Variants in MACROD2 observed in about 807,000 individuals in gnomAD.
MACROD2 encodes ADP-ribose glycohydrolase MACROD2.
In MACROD2, 36 loss-of-function variants were observed where a neutral mutation model predicts 70.4. The observed-to-expected ratio is 0.51, with a 90% CI of 0.39 to 0.68. The LOEUF is 0.68. Among genes scored for constraint, MACROD2 ranks in the 30% least tolerant of loss-of-function variants. MACROD2 has a pLI of 0.00. For synonymous variants in MACROD2, 172 were observed against 178.8 expected (o/e 0.96, Z 0.30); for missense variants, 496 against 538.4 (o/e 0.92, Z 0.78).
At chr20:15,400,717 T>A (rs564342075) in intron 6 of MACROD2, among the ~76,000 whole-genome samples, 7 of 152,328 alleles carry the variant, frequency 4.6e-5, no homozygotes, top group Non-Finnish European at 8.8e-5. Flanking sequence ...CTACCTTTGG[T>A]TATTCATCCT....
chr20:14,407,633 A>G lies in MACROD2; in HGVS notation c.272-85846A>G, dbSNP rs1487439442. Among the ~76,000 whole-genome samples, 3 of 152,076 alleles carry G rather than the reference A, an allele frequency of 2.0e-5. No homozygotes were observed. The East Asian group carries it at 5.8e-4, about 29-fold the overall frequency. ...GCTCTCAAAATGAAGTAAATATGTA[A>G]TGCTTTAGAAATTTCACTGGAAAGG... On this transcript the variant is annotated intron_variant, in intron 3 of 17. Transcript: ENST00000684519.
intron 3 of MACROD2, among the ~76,000 whole-genome samples, chr20:14,423,437 C>T (rs567733883): frequency 2.0e-5 from 3 of 151,350 alleles, no homozygotes; most frequent in African/African-American, 7.3e-5. Flanking sequence ...CGGTGGCTCA[C>T]GCCTGTAATC....
Position 15,229,967 on chromosome 20 carries a change from C to G in MACROD2, c.446C>G (p.Ala149Gly). ...KYVIHTVGPI[A>G]RGHINGSHKE... ...GTCATCCATACTGTAGGGCCAATAGCCAGGGGCCATATTAATGGTTCCCAC... is the reference window on the plus strand; with the variant it reads ...GTCATCCATACTGTAGGGCCAATAGGCAGGGGCCATATTAATGGTTCCCAC... The change falls in exon 6 of 18, where the codon GCC becomes GGC. Residue 149 changes from alanine (A) to glycine (G), a missense_variant. Transcript: ENST00000684519. The G allele has an allele frequency of 6.2e-7, 1 of 1,613,682 alleles. No individual in the cohort carries two copies. Among genetic ancestry groups the G allele is most frequent in the Non-Finnish European group, 8.5e-7 (1 of 1,179,734 alleles).
chr20:15,635,039 CTA>C (rs1441137748), intron 8 of MACROD2, among the ~76,000 whole-genome samples: 6 of 152,172 alleles, frequency 3.9e-5, no homozygotes, highest in African/African-American at 1.2e-4. Flanking sequence ...CTTGCAGCAG[CTA>C]TAGTTTTATG....
chr20:14,765,208 T>G (rs2072070307), intron 5 of MACROD2, among the ~76,000 whole-genome samples: 1 of 152,056 alleles, frequency 6.6e-6, no homozygotes, highest in South Asian at 2.1e-4. Flanking sequence ...CCAGTCAGAT[T>G]AACAACTCCA....
At chr20:14,590,952 G>C (rs1481661633) in intron 4 of MACROD2, among the ~76,000 whole-genome samples, 1 of 152,048 alleles carries the variant, frequency 6.6e-6, no homozygotes, top group African/African-American at 2.4e-5. Flanking sequence ...TGATTTTAGA[G>C]ACATACATTA....
chr20:14,293,573 G>T (rs144932572), intron 3 of MACROD2, among the ~76,000 whole-genome samples: 1 of 151,838 alleles, frequency 6.6e-6, no homozygotes, highest in Non-Finnish European at 1.5e-5. Flanking sequence ...AGATGTGCGG[G>T]CTGGGGAGTG....
chr20:14,063,771 A>C (rs1357651019), intron 2 of MACROD2, among the ~76,000 whole-genome samples: 3 of 152,168 alleles, frequency 2.0e-5, no homozygotes, highest in Non-Finnish European at 4.4e-5. Context: ...TCTGCAGCCC[A>C]GGCTGGAGTG....
At chr20:15,639,103 G>A (rs1331917425) in intron 8 of MACROD2, among the ~76,000 whole-genome samples, 1 of 151,754 alleles carries the variant, frequency 6.6e-6, no homozygotes, top group East Asian at 1.9e-4. Flanking sequence ...TGGGCACAGT[G>A]GAAGGAACAC....
intron 3 of MACROD2, among the ~76,000 whole-genome samples, chr20:14,179,020 A>C (rs747764588): frequency 7.9e-5 from 12 of 152,124 alleles, no homozygotes; most frequent in Non-Finnish European, 1.8e-4. Flanking sequence ...AAAAAACCAA[A>C]GGTGTGGAGG....
intron 5 of MACROD2, among the ~76,000 whole-genome samples, chr20:15,104,461 A>C (rs1205928718): frequency 5.9e-5 from 9 of 152,172 alleles, no homozygotes; most frequent in Non-Finnish European, 1.3e-4. Flanking sequence ...TAAACCCATA[A>C]ACAAATTATG....
chr20:14,989,386 T>C (rs1209175447), intron 5 of MACROD2, among the ~76,000 whole-genome samples: 1 of 152,112 alleles, frequency 6.6e-6, no homozygotes, highest in Non-Finnish European at 1.5e-5. Flanking sequence ...CTTGACACCG[T>C]CCTGAGAATG....
intron 3 of MACROD2, chr20:14,127,849 C>G: frequency 6.4e-6 from 3 of 471,798 alleles, no homozygotes; most frequent in Non-Finnish European, 1.3e-5. Context: ...GCAGGAAGCA[C>G]CAACTCTAAG....
At chr20:14,206,005 T>C (rs2081519788) in intron 3 of MACROD2, among the ~76,000 whole-genome samples, 1 of 152,196 alleles carries the variant, frequency 6.6e-6, no homozygotes, top group Admixed American at 6.5e-5. Flanking sequence ...TCTGTTAGTT[T>C]AGTAAACCAC....
chr20:15,655,116 T>C (rs927657083), intron 8 of MACROD2, among the ~76,000 whole-genome samples: 6 of 151,794 alleles, frequency 4.0e-5, no homozygotes, highest in African/African-American at 1.4e-4. Flanking sequence ...TGTGTGTGTG[T>C]GTATGTGTGT....
chr20:14,562,726 G>T (rs1413907710), intron 4 of MACROD2, among the ~76,000 whole-genome samples: 1 of 151,738 alleles, frequency 6.6e-6, no homozygotes, highest in African/African-American at 2.4e-5. Flanking sequence ...AAATGAATGG[G>T]CCTGCTCTCC....
At chr20:14,130,573 A>G (rs1333120234) in intron 3 of MACROD2, among the ~76,000 whole-genome samples, 1 of 151,986 alleles carries the variant, frequency 6.6e-6, no homozygotes, top group Non-Finnish European at 1.5e-5. Flanking sequence ...AAAAGAAAAT[A>G]TCTACCGTTA....
chr20:14,976,518 G>A (rs1434553428), intron 5 of MACROD2, among the ~76,000 whole-genome samples: 1 of 152,044 alleles, frequency 6.6e-6, no homozygotes, highest in Non-Finnish European at 1.5e-5. Context: ...GTCATCTCAG[G>A]GTCCCCACTG....
At chr20:15,289,031 T>C (rs1477218235) in intron 6 of MACROD2, among the ~76,000 whole-genome samples, 1 of 152,126 alleles carries the variant, frequency 6.6e-6, no homozygotes, top group Non-Finnish European at 1.5e-5. Flanking sequence ...TTAGAGTTCA[T>C]CTATGAAGCT....
Sources: allele counts gnomAD v4.1 joint callset (sites outside exome capture counted in the v4.1 genomes callset), GRCh38; gene constraint gnomAD v4.1.1; transcripts MANE v1.5; gene names NCBI Gene and HGNC (gene_info 2026-07-23, HGNC 2026-07-21).